The following NRXN3 variants were observed in gnomAD, a reference collection of about 807,000 sequenced individuals.
NRXN3 encodes neurexin 3, also known as neurexin III.
In NRXN3, 32 loss-of-function variants were observed where a neutral mutation model predicts 137.6. The ratio of observed to expected loss-of-function variants is 0.23; its 90% confidence interval spans 0.18 to 0.31. NRXN3 has a LOEUF of 0.31. Ranked by LOEUF, NRXN3 falls within the 10% of genes least tolerant of loss-of-function variation. NRXN3 has a pLI of 1.00. For missense variants in NRXN3, 1,574 were observed against 2,062.5 expected (o/e 0.76, Z 4.59); for synonymous variants, 798 against 784.5 (o/e 1.02, Z -0.29).
At chr14:79,411,972 A>T (rs567105592) in intron 15 of NRXN3, among the ~76,000 whole-genome samples, 2 of 152,218 alleles carry the variant, frequency 1.3e-5, no homozygotes, top group South Asian at 2.1e-4. Flanking sequence ...ATGGCATGTG[A>T]TTGATTTTAT....
intron 4 of NRXN3, among the ~76,000 whole-genome samples, chr14:78,511,240 T>C (rs765399077): frequency 2.0e-5 from 3 of 152,198 alleles, no homozygotes; most frequent in Non-Finnish European, 2.9e-5. Flanking sequence ...TATGGGGACA[T>C]TGGGCGTGTT....
intron 4 of NRXN3, among the ~76,000 whole-genome samples, chr14:78,634,620 A>G (rs1601673988): frequency 6.6e-6 from 1 of 152,200 alleles, no homozygotes; most frequent in Non-Finnish European, 1.5e-5. Context: ...ACTCAGATTG[A>G]ACAAATCTTA....
chr14:78,581,011 A>G (rs1173645610), intron 4 of NRXN3, among the ~76,000 whole-genome samples: 2 of 152,178 alleles, frequency 1.3e-5, no homozygotes, highest in Non-Finnish European at 1.5e-5. Context: ...TAAACCATCT[A>G]CTATATGCCA....
chr14:79,326,977 T>TA (rs148546842), intron 15 of NRXN3, among the ~76,000 whole-genome samples: 6 of 151,968 alleles, frequency 3.9e-5, no homozygotes, highest in Non-Finnish European at 7.4e-5. Context: ...AAAACAAATT[T>TA]AAAAAAAAGT....
chr14:78,651,427 A>C (rs978571976), intron 6 of NRXN3, 101 bp downstream of exon 6: 51 of 1,293,580 alleles, frequency 3.9e-5, no homozygotes, highest in Middle Eastern at 2.5e-4. Flanking sequence ...CAAATCTATG[A>C]GATGATAGAT....
intron 6 of NRXN3, among the ~76,000 whole-genome samples, chr14:78,680,824 CT>C (rs2098066865): frequency 6.6e-6 from 1 of 152,154 alleles, no homozygotes; most frequent in Non-Finnish European, 1.5e-5. Context: ...TCTGGTCTAC[CT>C]CCTGAACTAG....
intron 4 of NRXN3, among the ~76,000 whole-genome samples, chr14:78,305,347 A>G (rs1046051256): frequency 4.6e-5 from 7 of 152,114 alleles, no homozygotes; most frequent in African/African-American, 9.7e-5. Context: ...CTTTTGCTCT[A>G]CAGAGTTTTG....
chr14:78,695,387 A>C lies in NRXN3; in HGVS notation c.1222-13830A>C, dbSNP rs146551532. On this transcript the variant is annotated intron_variant, in intron 6 of 20. Transcript: ENST00000335750. ...CAGAGATACCTTTCTCTTTTTGTAG[A>C]TTCAAAGTGCTTGATCTTCTAAGAA... The C allele has an allele frequency of 1.8e-4, 27 of 152,154 alleles. No homozygotes were observed. In the East Asian group the frequency reaches 5.2e-3, roughly 29 times the overall value. The allele number at this position is 152,154 out of a possible 1,614,324, so 9.4% of individuals were successfully genotyped here. A position where few individuals can be genotyped will look rare whatever the true frequency, so the allele number is the denominator to read the frequency against.
rs79149736 is a variant in NRXN3 at position 79,640,276 on chromosome 14, G to A, written c.3445-23502G>A. Among the ~76,000 whole-genome samples the A allele has an allele frequency of 9.3e-3, 1,257 of 135,286 alleles. 272 individuals carry two copies. Among genetic ancestry groups the A allele is most frequent in the Middle Eastern group, 0.057 (15 of 262 alleles). The allele number at this position is 135,286 out of a possible 152,430, so 88.8% of individuals were successfully genotyped here. On this transcript the variant is annotated intron_variant, in intron 16 of 20. Coordinates refer to ENST00000335750, the MANE Select transcript of NRXN3 (RefSeq NM_001330195.2). ...AGATTGTTAGGATTGCTTGTATGTG[G>A]TTTTAAATGAATGAAGCTGTTTCTA...
chr14:79,071,553 T>C (rs909017663), intron 15 of NRXN3, among the ~76,000 whole-genome samples: 1 of 152,160 alleles, frequency 6.6e-6, no homozygotes, highest in African/African-American at 2.4e-5. Context: ...AAAACAACTT[T>C]GGATAGATGG....
chr14:79,392,106 C>T (rs575345571), intron 15 of NRXN3, among the ~76,000 whole-genome samples: 154 of 152,250 alleles, frequency 1.0e-3, no homozygotes, highest in African/African-American at 3.6e-3. Context: ...AACCCATCAT[C>T]TACATGAGGA....
In NRXN3 at chr14:79,380,353, C is replaced by G. The variant is rs1435477478; in HGVS notation, c.3263-86868C>G. On this transcript the variant is annotated intron_variant, in intron 15 of 20. Transcript: ENST00000335750. ...CTAATGCTATCCCTCCCCCTTCCCC[C>G]CACCCCACAACAGTTCCCAGAGTGT... 2.6e-5 allele frequency among the ~76,000 whole-genome samples: 4 copies of G among 151,408 alleles called. No homozygotes were observed. In the East Asian group the frequency reaches 7.8e-4, roughly 29 times the overall value.
At chr14:78,267,375 C>G (rs780357778) in intron 2 of NRXN3, among the ~76,000 whole-genome samples, 2 of 152,064 alleles carry the variant, frequency 1.3e-5, no homozygotes, top group Non-Finnish European at 2.9e-5. Flanking sequence ...TGCCCATGGG[C>G]CCATATGGTG....
chr14:79,055,482 T>A (rs2099657721), intron 15 of NRXN3, among the ~76,000 whole-genome samples: 2 of 152,190 alleles, frequency 1.3e-5, no homozygotes, highest in Non-Finnish European at 2.9e-5. Context: ...TCTGTTAGGA[T>A]CTGTGTAACA....
intron 10 of NRXN3, among the ~76,000 whole-genome samples, chr14:78,928,750 C>G (rs565453528): frequency 6.6e-6 from 1 of 152,128 alleles, no homozygotes; most frequent in African/African-American, 2.4e-5. Flanking sequence ...GAATTAGTGC[C>G]TCAATAAACA....
In NRXN3 at chr14:79,865,479, A is replaced by AAT. The variant is rs2099417719; in HGVS notation, c.*3522_*3523dup. On this transcript the variant is annotated 3_prime_UTR_variant, in exon 21 of 21. Coordinates refer to ENST00000335750, the MANE Select transcript of NRXN3 (RefSeq NM_001330195.2). ...GTTTTCAAAGAGTTAGAATTTTAAA[A>AAT]ATATATATTTAGTTAAGCCTGTGCC... 6.6e-6 allele frequency: 1 copy of AAT among 152,240 alleles called. No individual in the cohort carries two copies. The highest frequency in any genetic ancestry group is 6.5e-5 in the Admixed American group (1 of 15,292). The allele number at this position is 152,240 out of a possible 1,614,324, so 9.4% of individuals were successfully genotyped here.
At position 78,312,233 on chromosome 14, in the gene NRXN3, T is replaced by C. The variant is rs139918028; in HGVS notation, c.757+14373T>C. Among the ~76,000 whole-genome samples the C allele has an allele frequency of 2.7e-3, 404 of 152,300 alleles. 3 individuals are homozygous for C. The highest frequency in any genetic ancestry group is 9.1e-3 in the African/African-American group (378 of 41,566). On this transcript the variant is annotated intron_variant, in intron 4 of 20. Coordinates refer to ENST00000335750, the MANE Select transcript of NRXN3 (RefSeq NM_001330195.2). ...AATTACTAGTCTGCCTGGGAACTGATACAACTCCAGCTTTCAAAGTTGTCA... is the reference window on the plus strand; with the variant it reads ...AATTACTAGTCTGCCTGGGAACTGACACAACTCCAGCTTTCAAAGTTGTCA...
intron 15 of NRXN3, among the ~76,000 whole-genome samples, chr14:79,401,072 G>T (rs1023418795): frequency 6.6e-5 from 10 of 152,182 alleles, no homozygotes; most frequent in Non-Finnish European, 8.8e-5. Flanking sequence ...GCTGCCCAGG[G>T]AACTAGTGTC....
intron 1 of NRXN3, among the ~76,000 whole-genome samples, chr14:78,239,566 C>T (rs1440581867): frequency 6.6e-6 from 1 of 152,228 alleles, no homozygotes; most frequent in African/African-American, 2.4e-5. Context: ...GCTCCAACAG[C>T]ACCTACCTCC....
Sources: gnomAD v4.1 joint callset for allele counts (sites outside exome capture counted in the v4.1 genomes callset) on GRCh38, gnomAD v4.1.1 for gene constraint, MANE v1.5 for transcripts, NCBI Gene and HGNC (gene_info 2026-07-23, HGNC 2026-07-21) for gene names.